The following KDM4B variants were observed in gnomAD, a reference collection of about 807,000 sequenced individuals.
KDM4B encodes lysine demethylase 4B.
KDM4B carries 32 observed loss-of-function variants against 125.2 expected under a neutral mutation model. That is an observed-to-expected ratio of 0.26 (90% confidence interval 0.19 to 0.34). The LOEUF is 0.34. KDM4B is among the 10% of genes least tolerant of loss of function. The probability of loss-of-function intolerance (pLI) is 1.00; values close to 1 mark genes in which losing one functional copy is unlikely to be tolerated. For missense variants in KDM4B, 1,190 were observed against 1,577.7 expected, an observed-to-expected ratio of 0.75 and a Z score of 4.16; for synonymous variants, 721 against 677.9, an observed-to-expected ratio of 1.06 and a Z score of -0.99.
At chr19:5,000,030 C>T (rs866201449) in intron 1 of KDM4B, among the ~76,000 whole-genome samples, 17 of 142,424 alleles carry the variant, frequency 1.2e-4, no homozygotes, top group African/African-American at 4.2e-4. Flanking sequence ...TCCATCCATC[C>T]ATCCACCCAC....
At chr19:4,983,494 C>T (rs1366088940) in intron 1 of KDM4B, among the ~76,000 whole-genome samples, 2 of 152,258 alleles carry the variant, frequency 1.3e-5, no homozygotes, top group African/African-American at 4.8e-5. Flanking sequence ...TCCCAGTGGG[C>T]TCTCGCCCAC....
intron 9 of KDM4B, 125 bp from the exon 10 acceptor site, chr19:5,110,497 A>G: frequency 1.2e-6 from 1 of 842,252 alleles, no homozygotes; most frequent in South Asian, 1.5e-5. Flanking sequence ...CTAGAAGCGG[A>G]ATGCTCAGCG....
At position 4,999,207 on chromosome 19, in the gene KDM4B, A is replaced by G. The variant is rs375240622; in HGVS notation, c.-108-17050A>G. 5.3e-5 allele frequency among the ~76,000 whole-genome samples: 8 copies of G among 152,238 alleles called. No homozygotes were observed. The East Asian group carries it at 1.2e-3, about 22-fold the overall frequency. ...CCCTTGTTCCTTTCTTATTTCTATC[A>G]GGGTGGGCTTGTGGATTCTTACTTT... On this transcript the variant is annotated intron_variant, in intron 1 of 22. Transcript: ENST00000159111.
At chr19:5,135,688 GGGCCA>G (rs1432738612) in intron 15 of KDM4B, 127 bp downstream of exon 15, 5 of 792,436 alleles carry the variant, frequency 6.3e-6, no homozygotes, top group Non-Finnish European at 9.8e-6. Context: ...TGCACTTTCA[GGGCCA>G]GGGCAGGGGC....
chr19:4,995,789 A>G (rs2035180926), intron 1 of KDM4B, among the ~76,000 whole-genome samples: 2 of 152,152 alleles, frequency 1.3e-5, no homozygotes, highest in South Asian at 2.1e-4. Context: ...TAAAAGGGAT[A>G]TGTAAGTATG....
intron 1 of KDM4B, among the ~76,000 whole-genome samples, chr19:4,976,512 A>C (rs553547041): frequency 2.6e-5 from 4 of 152,318 alleles, no homozygotes; most frequent in African/African-American, 9.6e-5. Flanking sequence ...CAAGGAGTTC[A>C]GTGTGACCTG....
chr19:5,126,582 G>T (rs1285986278), intron 11 of KDM4B, among the ~76,000 whole-genome samples: 1 of 152,242 alleles, frequency 6.6e-6, no homozygotes, highest in Non-Finnish European at 1.5e-5. Flanking sequence ...CCTCGCCCCG[G>T]AGTGCTGCTC....
intron 5 of KDM4B, among the ~76,000 whole-genome samples, chr19:5,043,395 TGGG>T (rs1299430050): frequency 7.1e-6 from 1 of 141,376 alleles, no homozygotes; most frequent in Non-Finnish European, 1.5e-5. Flanking sequence ...TTTATCGGAG[TGGG>T]GGGGTCCACC....
chr19:5,151,359 G>A lies in KDM4B; in HGVS notation c.3139G>A (p.Glu1047Lys). Residue 1047 changes from glutamate to lysine, a missense_variant, in exon 23 of 23, where the codon GAG (glutamate) becomes AAG (lysine). By Grantham distance (56) the Glu-to-Lys change is moderately conservative. Transcript: ENST00000159111. ...RLSLSTGAPQ[E>K]PAFSGEEAKA... is the part of the protein sequence containing the mutation. ...GTCACTGAGCACGGGGGCACCGCAG[G>A]AGCCCGCCTTCTCGGGGGAGGAGGC... is the stretch of plus-strand genomic sequence containing the variant. 1 of 1,578,690 alleles carries A rather than the reference G, an allele frequency of 6.3e-7. No homozygotes were observed. The highest frequency in any genetic ancestry group is 1.1e-5 in the South Asian group (1 of 87,362).
intron 21 of KDM4B, among the ~76,000 whole-genome samples, chr19:5,146,511 TC>T (rs1391214366): frequency 6.6e-6 from 1 of 152,182 alleles, no homozygotes; most frequent in Non-Finnish European, 1.5e-5. Context: ...TCCTTGGACT[TC>T]CTGATTGTGT....
intron 6 of KDM4B, among the ~76,000 whole-genome samples, chr19:5,064,248 T>A (rs1029628993): frequency 6.6e-6 from 1 of 152,222 alleles, no homozygotes; most frequent in Non-Finnish European, 1.5e-5. Context: ...ACCTGACACC[T>A]GGTCTCGGGT....
chr19:5,069,289 A>G (rs1568273614), intron 6 of KDM4B, among the ~76,000 whole-genome samples: 2 of 151,564 alleles, frequency 1.3e-5, no homozygotes. Flanking sequence ...CCCCCTCCTT[A>G]TTTATTTTTA....
At chr19:5,103,544 G>C (rs1478966496) in intron 9 of KDM4B, among the ~76,000 whole-genome samples, 5 of 152,186 alleles carry the variant, frequency 3.3e-5, no homozygotes. Context: ...TTGGTGTTTG[G>C]GCACCAGCTG....
At chr19:5,129,593 G>T (rs181209850) in intron 11 of KDM4B, among the ~76,000 whole-genome samples, 8 of 152,328 alleles carry the variant, frequency 5.3e-5, no homozygotes, top group African/African-American at 1.9e-4. Flanking sequence ...GGAGGTGGAG[G>T]TGGTGAAATG....
At chr19:5,093,979 C>T (rs2038766087) in intron 9 of KDM4B, among the ~76,000 whole-genome samples, 1 of 152,238 alleles carries the variant, frequency 6.6e-6, no homozygotes, top group South Asian at 2.1e-4. Context: ...TCTCTCAGTT[C>T]TGGAGGCAGA....
intron 1 of KDM4B, among the ~76,000 whole-genome samples, chr19:5,001,989 G>GT (rs981305253): frequency 9.3e-4 from 130 of 140,234 alleles, no homozygotes; most frequent in East Asian, 7.2e-3. Flanking sequence ...TTTCCTTTGT[G>GT]TTTTTTTTTT....
rs1326357787 is a variant in KDM4B, at chr19:4,997,048, C to T, written c.-108-19209C>T. Among the ~76,000 whole-genome samples, 1 of 152,002 alleles carries T rather than the reference C, an allele frequency of 6.6e-6. No homozygotes were observed. The highest frequency in any genetic ancestry group is 1.5e-5 in the Non-Finnish European group (1 of 67,968). On this transcript the variant is annotated intron_variant, in intron 1 of 22. Coordinates refer to ENST00000159111, the MANE Select transcript of KDM4B (RefSeq NM_015015.3). The surrounding 1 kb of genome is among the most constrained non-coding windows in gnomAD (Gnocchi z 4.2). Reference sequence around the variant, plus strand: ...TGGGTCTGGGTGAGTGGGTTCTTTGCATCCCTGGCCTCCACCCCCTCCACG... The same window carrying T: ...TGGGTCTGGGTGAGTGGGTTCTTTGTATCCCTGGCCTCCACCCCCTCCACG...
At chr19:5,023,552 C>T (rs1030026144) in intron 2 of KDM4B, among the ~76,000 whole-genome samples, 1 of 152,126 alleles carries the variant, frequency 6.6e-6, no homozygotes, top group Non-Finnish European at 1.5e-5. Context: ...GCAGCAGGAA[C>T]CAGCGAGATG....
At position 5,135,357 on chromosome 19, in the gene KDM4B, G is replaced by A. The variant is rs772192983; in HGVS notation, c.2104G>A (p.Glu702Lys). 1 of 1,612,844 alleles carries A rather than the reference G, an allele frequency of 6.2e-7. No homozygotes were observed. The highest frequency in any genetic ancestry group is 8.5e-7 in the Non-Finnish European group (1 of 1,179,560). ...CCTACAGGCCCTACAGACTGAGAAG[G>A]AGGCACCCATAGCCTCCCTCGGAGA... is the stretch of plus-strand genomic sequence containing the variant. Reference protein sequence around the residue: ...PYCQALQTEKEAPIASLGEGC... With the variant: ...PYCQALQTEKKAPIASLGEGC... Residue 702 changes from glutamate to lysine, a missense_variant, in exon 15 of 23, where the codon GAG becomes AAG. Coordinates refer to ENST00000159111, the MANE Select transcript of KDM4B (RefSeq NM_015015.3).
Sources: gnomAD v4.1 joint callset for allele counts (sites outside exome capture counted in the v4.1 genomes callset) on GRCh38, gnomAD v4.1.1 for gene constraint, Gnocchi (gnomAD v3.1) non-coding constraint, MANE v1.5 for transcripts, NCBI Gene and HGNC (gene_info 2026-07-23, HGNC 2026-07-21) for gene names.